ATP8A1: variants seen among roughly 807,000 people sequenced by gnomAD.
ATP8A1 encodes phospholipid-transporting ATPase IA.
A neutral mutation model predicts 177.7 loss-of-function variants in ATP8A1; 90 were observed. The ratio of observed to expected loss-of-function variants is 0.51; its 90% CI spans 0.43 to 0.60. The LOEUF is 0.60. Ranked by LOEUF, ATP8A1 falls within the 20% of genes least tolerant of loss-of-function variation. The pLI, the probability that ATP8A1 is intolerant of heterozygous loss-of-function variation, is 0.00. For missense variants in ATP8A1, 1,072 were observed against 1,392.8 expected (o/e 0.77, Z 3.67); for synonymous variants, 493 against 485.9 (o/e 1.01, Z -0.19).
chr4:42,623,902 G>T (rs1737769784), intron 4 of ATP8A1, among the ~76,000 whole-genome samples: 1 of 151,854 alleles, frequency 6.6e-6, no homozygotes, highest in Non-Finnish European at 1.5e-5. Flanking sequence ...TAGTTTAAAA[G>T]AACAGGAAAA....
At chr4:42,576,849 C>T (rs923230021) in intron 12 of ATP8A1, among the ~76,000 whole-genome samples, 60 of 152,130 alleles carry the variant, frequency 3.9e-4, no homozygotes, top group African/African-American at 1.3e-3. Context: ...CAACAGAAGG[C>T]GGGGAATGTT....
At chr4:42,499,627 A>C (rs1723617985) in intron 24 of ATP8A1, among the ~76,000 whole-genome samples, 1 of 152,264 alleles carries the variant, frequency 6.6e-6, no homozygotes, top group Non-Finnish European at 1.5e-5. Context: ...CATGTCTTCA[A>C]AATTTTTCTC....
In ATP8A1 at chr4:42,503,888, G is replaced by C. The variant is rs1042897191; in HGVS notation, c.2087-374C>G. ...AACAGAACCCTTCTCTAGACACCTAGGGAAGGTGCAGGTGGCTGTCTCTTG... is the reference window on the plus strand; with the variant it reads ...AACAGAACCCTTCTCTAGACACCTACGGAAGGTGCAGGTGGCTGTCTCTTG... On this transcript the variant is annotated intron_variant, in intron 23 of 36. Transcript: ENST00000381668. 6.6e-5 allele frequency among the ~76,000 whole-genome samples: 10 copies of C among 152,182 alleles called. 1 individual carries two copies. Among genetic ancestry groups the C allele is most frequent in the South Asian group, 6.2e-4 (3 of 4,824 alleles).
Position 42,412,567 on chromosome 4 carries a change from G to A in ATP8A1, c.*349C>T. 1.2e-5 allele frequency: 2 copies of A among 167,856 alleles called. No homozygotes were observed. Among genetic ancestry groups the A allele is most frequent in the Non-Finnish European group, 2.5e-5 (2 of 78,528 alleles). 10.4% of individuals were successfully genotyped at this position (167,856 alleles called of 1,614,324 possible). ...GTTTTTTAATGGTTGGTTACCTTGT[G>A]GTACAGCCAATAAACTGACAGTCAG... is the stretch of plus-strand genomic sequence containing the variant. On this transcript the variant is annotated 3_prime_UTR_variant, in exon 37 of 37. Coordinates refer to ENST00000381668, the MANE Select transcript of ATP8A1 (RefSeq NM_006095.2).
chr4:42,635,838 T>C (rs900014399), intron 1 of ATP8A1, among the ~76,000 whole-genome samples: 4 of 138,074 alleles, frequency 2.9e-5, no homozygotes, highest in Non-Finnish European at 6.3e-5. Context: ...TGTAAGCTTC[T>C]TAAGCAGGTG....
At chr4:42,500,447 C>T (rs975961164) in intron 24 of ATP8A1, among the ~76,000 whole-genome samples, 3 of 152,066 alleles carry the variant, frequency 2.0e-5, no homozygotes, top group African/African-American at 7.2e-5. Flanking sequence ...ACAATCAGAA[C>T]TCCTAGTAAA....
At chr4:42,472,767 G>GAAAAAA (rs1553881607) in intron 25 of ATP8A1, among the ~76,000 whole-genome samples, 1 of 145,686 alleles carries the variant, frequency 6.9e-6, no homozygotes, top group Non-Finnish European at 1.5e-5. Flanking sequence ...AAAAAAAAGA[G>GAAAAAA]AGAAAAAGAA....
At chr4:42,420,006 A>G (rs1182226673) in intron 35 of ATP8A1, among the ~76,000 whole-genome samples, 5 of 128,918 alleles carry the variant, frequency 3.9e-5, no homozygotes, top group Non-Finnish European at 6.7e-5. Context: ...CCGTCTCAAA[A>G]AAAAACAAAC....
intron 25 of ATP8A1, among the ~76,000 whole-genome samples, chr4:42,465,772 C>A (rs543700749): frequency 6.6e-6 from 1 of 152,154 alleles, no homozygotes; most frequent in Non-Finnish European, 1.5e-5. Flanking sequence ...GTGGCTCATG[C>A]CTGTAATCCC....
intron 1 of ATP8A1, among the ~76,000 whole-genome samples, chr4:42,653,862 C>T (rs146078726): frequency 9.9e-4 from 151 of 152,310 alleles, no homozygotes; most frequent in Non-Finnish European, 1.5e-3. Flanking sequence ...CCTCTGCTCC[C>T]GGCCAATTTC....
intron 23 of ATP8A1, among the ~76,000 whole-genome samples, chr4:42,506,349 T>G (rs1198631126): frequency 6.6e-6 from 1 of 152,200 alleles, no homozygotes; most frequent in African/African-American, 2.4e-5. Context: ...AGGTGCTATC[T>G]ATGAACCAGA....
intron 27 of ATP8A1, among the ~76,000 whole-genome samples, chr4:42,460,238 C>T (rs1000986059): frequency 6.6e-6 from 1 of 152,156 alleles, no homozygotes; most frequent in Admixed American, 6.5e-5. Context: ...AGGAGATAAG[C>T]ATTCTGACAG....
intron 33 of ATP8A1, among the ~76,000 whole-genome samples, chr4:42,435,462 A>AAAC (rs1560320673): frequency 1.1e-5 from 1 of 92,602 alleles, no homozygotes; most frequent in African/African-American, 4.3e-5. Context: ...AAAAAAAAAA[A>AAAC]ACAAACTATC....
intron 14 of ATP8A1, 65 bp downstream of exon 14, chr4:42,574,554 A>C: frequency 1.5e-6 from 2 of 1,338,412 alleles, no homozygotes; most frequent in Non-Finnish European, 2.1e-6. Context: ...GAACTCCCAA[A>C]TGTACCAAAC....
At chr4:42,619,675 T>C (rs535813808) in intron 4 of ATP8A1, among the ~76,000 whole-genome samples, 32 of 151,912 alleles carry the variant, frequency 2.1e-4, no homozygotes, top group African/African-American at 7.5e-4. Flanking sequence ...AAAAACATTA[T>C]CTAATAGAAT....
intron 4 of ATP8A1, among the ~76,000 whole-genome samples, chr4:42,621,099 G>A (rs1027878297): frequency 1.9e-4 from 29 of 152,324 alleles, no homozygotes; most frequent in African/African-American, 6.7e-4. Context: ...GGACTGCCAA[G>A]TCCTACCACA....
chr4:42,479,828 C>T (rs1044100165), intron 25 of ATP8A1, among the ~76,000 whole-genome samples: 2 of 152,084 alleles, frequency 1.3e-5, no homozygotes, highest in African/African-American at 4.8e-5. Context: ...TTGGGAGGCT[C>T]CTCAACTAAA....
chr4:42,458,179 T>C (rs1718695782), intron 27 of ATP8A1, among the ~76,000 whole-genome samples: 1 of 151,374 alleles, frequency 6.6e-6, no homozygotes, highest in South Asian at 2.1e-4. Flanking sequence ...ATTGGGAACA[T>C]ATCCCGTGCA....
intron 4 of ATP8A1, among the ~76,000 whole-genome samples, chr4:42,619,984 G>A (rs1174803880): frequency 1.3e-5 from 2 of 152,154 alleles, no homozygotes; most frequent in African/African-American, 4.8e-5. Context: ...ACCATCACGT[G>A]TCTTTGAGTA....
Sources: allele counts gnomAD v4.1 joint callset (sites outside exome capture counted in the v4.1 genomes callset), GRCh38; gene constraint gnomAD v4.1.1; transcripts MANE v1.5; gene names NCBI Gene and HGNC (gene_info 2026-07-23, HGNC 2026-07-21).